CMIP: variants seen among roughly 807,000 people sequenced by gnomAD.
The protein encoded by CMIP is C-Maf-inducing protein.
CMIP carries 13 observed loss-of-function variants against 97.3 expected under a neutral mutation model. The ratio of observed to expected loss-of-function variants is 0.13; its 90% CI spans 0.09 to 0.21. CMIP has a LOEUF of 0.21. CMIP is among the 10% of genes least tolerant of loss of function. The pLI is 1.00. For missense variants in CMIP, 847 were observed against 1,024.9 expected (o/e 0.83, Z 2.37); for synonymous variants, 538 against 436.3 (o/e 1.23, Z -2.91).
intron 3 of CMIP, among the ~76,000 whole-genome samples, chr16:81,635,918 A>G (rs1450661962): frequency 2.6e-5 from 4 of 150,948 alleles, no homozygotes; most frequent in Admixed American, 6.6e-5. Context: ...GATATATAAC[A>G]TAGTCTCAAA....
chr16:81,484,035 C>T (rs1038953788), intron 1 of CMIP, among the ~76,000 whole-genome samples: 6 of 152,190 alleles, frequency 3.9e-5, no homozygotes, highest in African/African-American at 1.2e-4. Context: ...ATTTGTTAAA[C>T]ACCTACTGTG....
At chr16:81,529,880 G>A (rs2090199110) in intron 1 of CMIP, among the ~76,000 whole-genome samples, 1 of 152,204 alleles carries the variant, frequency 6.6e-6, no homozygotes, top group Non-Finnish European at 1.5e-5. Flanking sequence ...GTGAGGCCGT[G>A]TTGGGCTCTG....
chr16:81,502,368 T>C (rs2089628988), intron 1 of CMIP, among the ~76,000 whole-genome samples: 1 of 152,204 alleles, frequency 6.6e-6, no homozygotes, highest in Non-Finnish European at 1.5e-5. Context: ...AACTTATGTA[T>C]TGAGTATTCA....
intron 1 of CMIP, among the ~76,000 whole-genome samples, chr16:81,594,973 A>G (rs1423645120): frequency 6.6e-6 from 1 of 151,956 alleles, no homozygotes; most frequent in Admixed American, 6.6e-5. Context: ...ATACCATAAG[A>G]GATTAACAGC....
chr16:81,690,230 A>T (rs1013575646), intron 10 of CMIP, among the ~76,000 whole-genome samples: 3 of 152,184 alleles, frequency 2.0e-5, no homozygotes, highest in African/African-American at 7.2e-5. Flanking sequence ...CATTGAATCT[A>T]TAAATTACCT....
chr16:81,514,698 C>T (rs927486743), intron 1 of CMIP, among the ~76,000 whole-genome samples: 8 of 152,232 alleles, frequency 5.3e-5, no homozygotes, highest in African/African-American at 1.9e-4. Flanking sequence ...CCTGGGTCCC[C>T]GTGGGTTTGT....
chr16:81,456,793 G>C lies in CMIP; in HGVS notation c.300+11252G>C, dbSNP rs964791305. Reference sequence around the variant, plus strand: ...AGAAAGGCCCACAGTGGCCAGGCTGGCTGTGAGCTGAGAGGAGGGCCTTGT... The same window carrying C: ...AGAAAGGCCCACAGTGGCCAGGCTGCCTGTGAGCTGAGAGGAGGGCCTTGT... On this transcript the variant is annotated intron_variant, in intron 1 of 20. Coordinates refer to ENST00000537098, the MANE Select transcript of CMIP (RefSeq NM_198390.3). Among the ~76,000 whole-genome samples, 7 of 152,344 alleles carry C rather than the reference G, an allele frequency of 4.6e-5. 1 individual carries two copies. Among genetic ancestry groups the C allele is most frequent in the Admixed American group, 3.3e-4 (5 of 15,306 alleles).
rs150991807 is a variant in CMIP, at chr16:81,696,443, C to T, written c.1531-117C>T. On this transcript the variant is annotated intron_variant, in intron 13 of 20. Transcript: ENST00000537098. The stretch of plus-strand genomic sequence containing the variant: ...GGTTGCTGGAGGAAACAAAGTTAAG[C>T]GGGTTTCTTGACTGCAGGACTTGCC... The T allele has an allele frequency of 7.9e-4, 769 of 974,814 alleles. 1 individual carries two copies. Among genetic ancestry groups the T allele is most frequent in the Admixed American group, 1.7e-3 (83 of 47,664 alleles). 60.4% of individuals were successfully genotyped at this position (974,814 alleles called of 1,614,324 possible).
rs1346560718 is a variant in CMIP at position 81,564,993 on chromosome 16, G to A, written c.301-42574G>A. Among the ~76,000 whole-genome samples the A allele has an allele frequency of 2.0e-5, 3 of 151,992 alleles. No individual in the cohort carries two copies. In the East Asian group the frequency reaches 5.8e-4, roughly 29 times the overall value. On this transcript the variant is annotated intron_variant, in intron 1 of 20. Coordinates refer to ENST00000537098, the MANE Select transcript of CMIP (RefSeq NM_198390.3). ...GCATTGCAGGGCAGGAGGGGATGGA[G>A]CAGGGGTCTCCAGAGGGGGTTTCAT...
chr16:81,468,502 G>C (rs1400783656), intron 1 of CMIP, among the ~76,000 whole-genome samples: 1 of 152,276 alleles, frequency 6.6e-6, no homozygotes, highest in Non-Finnish European at 1.5e-5. Context: ...GCCTCTCGCA[G>C]GGGCCTGCGC....
At chr16:81,574,298 G>A (rs1278153864) in intron 1 of CMIP, among the ~76,000 whole-genome samples, 1 of 138,354 alleles carries the variant, frequency 7.2e-6, no homozygotes, top group African/African-American at 2.7e-5. Context: ...TGGCCACCCT[G>A]CCACCTCTCA....
At chr16:81,462,414 C>T (rs1198364035) in intron 1 of CMIP, among the ~76,000 whole-genome samples, 2 of 152,088 alleles carry the variant, frequency 1.3e-5, no homozygotes, top group Non-Finnish European at 2.9e-5. Flanking sequence ...ATGGACACCT[C>T]CCTCTCTAGG....
intron 1 of CMIP, among the ~76,000 whole-genome samples, chr16:81,503,974 A>G (rs941359320): frequency 2.6e-5 from 4 of 152,208 alleles, no homozygotes; most frequent in South Asian, 2.1e-4. Flanking sequence ...GCCAACTGTC[A>G]TTTTATAAAT....
Position 81,520,819 on chromosome 16 carries a change from A to G in CMIP, c.300+75278A>G, listed in dbSNP as rs149994452. Among the ~76,000 whole-genome samples the G allele has an allele frequency of 1.8e-4, 28 of 152,110 alleles. 1 individual carries two copies. In the East Asian group the frequency reaches 5.4e-3, roughly 29 times the overall value. On this transcript the variant is annotated intron_variant, in intron 1 of 20. Coordinates refer to ENST00000537098, the MANE Select transcript of CMIP (RefSeq NM_198390.3). The stretch of plus-strand genomic sequence containing the variant: ...TGTAAAATGGGTGTAGGAAGTGAGG[A>G]ATTAGGTTTATAAGAAGGGTTGTGA...
At chr16:81,488,490 C>T (rs1047687542) in intron 1 of CMIP, among the ~76,000 whole-genome samples, 3 of 152,172 alleles carry the variant, frequency 2.0e-5, no homozygotes, top group African/African-American at 7.2e-5. Flanking sequence ...TGTAGTCATC[C>T]ACTCATTCCA....
chr16:81,514,378 G>A (rs1232885656), intron 1 of CMIP, among the ~76,000 whole-genome samples: 4 of 152,208 alleles, frequency 2.6e-5, no homozygotes, highest in African/African-American at 9.7e-5. Flanking sequence ...AGGCAGCCCA[G>A]TTTGACCTTA....
chr16:81,446,058 T>G (rs1905821180), intron 1 of CMIP, among the ~76,000 whole-genome samples: 1 of 152,142 alleles, frequency 6.6e-6, no homozygotes, highest in Admixed American at 6.5e-5. Flanking sequence ...ACCCGTCCTT[T>G]ATTCTCTTTC....
chr16:81,467,861 G>C (rs1489612339), intron 1 of CMIP, among the ~76,000 whole-genome samples: 1 of 147,542 alleles, frequency 6.8e-6, no homozygotes. Context: ...GATTATAGGT[G>C]TGAGCCACCG....
Position 81,563,599 on chromosome 16 carries a change from G to A in CMIP, c.301-43968G>A, listed in dbSNP as rs542078211. Among the ~76,000 whole-genome samples, 4 of 152,336 alleles carry A rather than the reference G, an allele frequency of 2.6e-5. No homozygotes were observed. In the East Asian group the frequency reaches 7.7e-4, roughly 29 times the overall value. On this transcript the variant is annotated intron_variant, in intron 1 of 20. Coordinates refer to ENST00000537098, the MANE Select transcript of CMIP (RefSeq NM_198390.3). ...TGCACATTAAAGCTGAGACACTGGT[G>A]TGGACTGAGCAAGGTGGTTCGGGTT...
Sources: gnomAD v4.1 joint callset for allele counts (sites outside exome capture counted in the v4.1 genomes callset) on GRCh38, gnomAD v4.1.1 for gene constraint, MANE v1.5 for transcripts, NCBI Gene and HGNC (gene_info 2026-07-23, HGNC 2026-07-21) for gene names.